Variants in FADS2 observed in about 807,000 individuals in gnomAD.
FADS2 encodes the protein fatty acid desaturase 2.
FADS2 carries 18 observed loss-of-function variants against 61.2 expected under a neutral mutation model. That is an observed-to-expected ratio of 0.29 (90% CI 0.20 to 0.44). The LOEUF is 0.44. Among genes scored for constraint, FADS2 ranks in the 20% least tolerant of loss-of-function variants. FADS2 has a pLI of 1.00. For synonymous variants in FADS2, 203 were observed against 223.9 expected, an observed-to-expected ratio of 0.91 and a Z score of 0.83; for missense variants, 322 against 572.7, an observed-to-expected ratio of 0.56 and a Z score of 4.47.
intron 5 of FADS2, among the ~76,000 whole-genome samples, chr11:61,851,590 G>A (rs1407803843): frequency 6.6e-6 from 1 of 152,240 alleles, no homozygotes; most frequent in Non-Finnish European, 1.5e-5. Context: ...TCTCTTGACT[G>A]AAGTGACAGT....
At chr11:61,827,570 G>C (rs1243207491), upstream of FADS2, 1 of 152,214 alleles carries the variant, frequency 6.6e-6, no homozygotes, top group Non-Finnish European at 1.5e-5. The surrounding 1 kb of genome is among the most constrained non-coding windows in gnomAD (Gnocchi z 4.5). Flanking sequence ...CTGGAGTCTC[G>C]ACTGCCGCGC....
chr11:61,820,399 T>C (rs1291117527), intron 1 of FADS2, among the ~76,000 whole-genome samples: 1 of 152,084 alleles, frequency 6.6e-6, no homozygotes, highest in East Asian at 1.9e-4. Flanking sequence ...GCAAATTAAA[T>C]TCATCTTACT....
intron 1 of FADS2, among the ~76,000 whole-genome samples, chr11:61,832,943 G>A (rs895857969): frequency 3.9e-5 from 6 of 152,306 alleles, no homozygotes; most frequent in South Asian, 2.1e-4. Flanking sequence ...ACATGGGCAC[G>A]GCCATAAACA....
intron 7 of FADS2, among the ~76,000 whole-genome samples, chr11:61,858,734 G>A (rs174603): frequency 0.34 from 51,131 of 151,294 alleles, 9,026 homozygotes; most frequent in Admixed American, 0.49. Context: ...TACAGGCGCC[G>A]GCCACCATGC....
At position 61,848,239 on chromosome 11, in the gene FADS2, G is replaced by T. The variant is rs1354139592; in HGVS notation, c.699G>T (p.Val233=). ...KPNIFHKDPD[V]NMLHVFVLGE... is the part of the protein sequence containing the mutation. ...ACATCTTCCACAAGGATCCCGATGT[G>T]AACATGCTGCACGTGTTTGTTCTGG... The change falls in exon 5 of 12, where the codon GTG becomes GTT. Residue 233 remains valine, a synonymous_variant. Transcript: ENST00000278840. The T allele has an allele frequency of 2.5e-6, 4 of 1,614,216 alleles. No homozygotes were observed. Among genetic ancestry groups the T allele is most frequent in the Non-Finnish European group, 3.4e-6 (4 of 1,180,048 alleles).
chr11:61,831,083 T>C (rs1399703300), intron 1 of FADS2, among the ~76,000 whole-genome samples: 1 of 152,074 alleles, frequency 6.6e-6, no homozygotes, highest in Admixed American at 6.5e-5. Flanking sequence ...AGCAGCTGGG[T>C]TCTCTTTGTT....
At chr11:61,861,366 A>AAAAACG (rs1395601317) in intron 7 of FADS2, among the ~76,000 whole-genome samples, 1 of 112,940 alleles carries the variant, frequency 8.9e-6, no homozygotes, top group African/African-American at 4.1e-5. Flanking sequence ...AAAAAAAAAA[A>AAAAACG]AAAAACAGAA....
chr11:61,837,461 G>T (rs1285447440), intron 1 of FADS2, among the ~76,000 whole-genome samples: 1 of 152,218 alleles, frequency 6.6e-6, no homozygotes, highest in Non-Finnish European at 1.5e-5. Flanking sequence ...CCCCGTGTCT[G>T]CCTGGTGCGC....
chr11:61,857,372 A>C, intron 6 of FADS2, 82 bp from the exon 7 acceptor site: 1 of 1,283,182 alleles, frequency 7.8e-7, no homozygotes, highest in Non-Finnish European at 1.1e-6. Flanking sequence ...CCCTGCACTC[A>C]GTGCTGGGCC....
At chr11:61,826,232 A>C (rs545683195), upstream of FADS2, 19 of 702,250 alleles carry the variant, frequency 2.7e-5, no homozygotes, top group Middle Eastern at 2.3e-4. Context: ...CCATTCTTTG[A>C]ACTTCATTCA....
At chr11:61,820,795 G>C (rs1241992449) in intron 1 of FADS2, among the ~76,000 whole-genome samples, 1 of 152,054 alleles carries the variant, frequency 6.6e-6, no homozygotes, top group Non-Finnish European at 1.5e-5. Flanking sequence ...GCTACTTTGT[G>C]GGGGTGAGGC....
intron 1 of FADS2, among the ~76,000 whole-genome samples, chr11:61,817,350 G>T (rs1000304841): frequency 2.6e-5 from 4 of 152,160 alleles, no homozygotes; most frequent in Non-Finnish European, 5.9e-5. Context: ...ACGTCGTGCC[G>T]CCAATTGTGC....
At chr11:61,844,716 A>G (rs765071745) in intron 4 of FADS2, among the ~76,000 whole-genome samples, 55 of 151,738 alleles carry the variant, frequency 3.6e-4, no homozygotes, top group Admixed American at 1.2e-3. Context: ...ACAAGGTCAG[A>G]AGATCGAGAC....
At chr11:61,826,137 G>A (rs766047043), upstream of FADS2, 1 of 702,574 alleles carries the variant, frequency 1.4e-6, no homozygotes, top group South Asian at 1.5e-5. Flanking sequence ...CCTCCTCCAT[G>A]GTAAAGTCCT....
intron 10 of FADS2, chr11:61,864,201 T>TTA (rs2067442620): frequency 2.6e-5 from 4 of 155,308 alleles, no homozygotes; most frequent in African/African-American, 7.4e-5. Flanking sequence ...TTTTTTTTTT[T>TTA]ATTAAAAAAT....
chr11:61,824,459 G>GAGA (rs1565325274), upstream of FADS2, among the ~76,000 whole-genome samples: 1 of 5,864 alleles, frequency 1.7e-4, no homozygotes, highest in African/African-American at 5.5e-4. Flanking sequence ...AGGGAGGGAG[G>GAGA]GAGAGAGAGA....
intron 5 of FADS2, chr11:61,849,809 T>A (rs912927005): frequency 1.3e-5 from 2 of 152,008 alleles, no homozygotes; most frequent in African/African-American, 4.8e-5. Flanking sequence ...GTGGGAGAAG[T>A]GCTTGAGCCC....
chr11:61,824,059 C>T (rs1465471073), upstream of FADS2, among the ~76,000 whole-genome samples: 4 of 151,882 alleles, frequency 2.6e-5, no homozygotes, highest in Non-Finnish European at 4.4e-5. Flanking sequence ...CTTTGAGCCT[C>T]GTTATTAAAA....
rs556331883 is a variant in FADS2, at chr11:61,865,414, G to A, written c.1283+137G>A. The A allele has an allele frequency of 3.1e-5, 36 of 1,167,314 alleles. No homozygotes were observed. In the South Asian group the frequency reaches 5.2e-4, roughly 17 times the overall value. 72.3% of individuals were successfully genotyped at this position (1,167,314 alleles called of 1,614,324 possible). The stretch of plus-strand genomic sequence containing the variant: ...CCTTACTCCCGAGCCTGTGTTAGGA[G>A]CTGTTGGGCTTTTCTCCCTGGGCTG... On this transcript the variant is annotated intron_variant, in intron 11 of 11. Transcript: ENST00000278840. The surrounding 1 kb of genome is among the most constrained non-coding windows in gnomAD (Gnocchi z 4.1).
Sources: allele counts gnomAD v4.1 joint callset (sites outside exome capture counted in the v4.1 genomes callset), GRCh38; gene constraint gnomAD v4.1.1; non-coding constraint Gnocchi (gnomAD v3.1); transcripts MANE v1.5; gene names NCBI Gene and HGNC (gene_info 2026-07-23, HGNC 2026-07-21).